The following CTTNBP2 variants were observed in gnomAD, a reference collection of about 807,000 sequenced individuals.
CTTNBP2 encodes the protein cortactin binding protein 2, also known as cortactin-binding protein 2.
A neutral mutation model predicts 156.9 loss-of-function variants in CTTNBP2; 108 were observed. The ratio of observed to expected loss-of-function variants is 0.69; its 90% CI spans 0.59 to 0.81. CTTNBP2 has a LOEUF of 0.81. CTTNBP2 is among the 30% of genes least tolerant of loss of function. The pLI is 0.00. For synonymous variants in CTTNBP2, 767 were observed against 751.8 expected, an observed-to-expected ratio of 1.02 and a Z score of -0.33; for missense variants, 1,924 against 2,035.4, an observed-to-expected ratio of 0.95 and a Z score of 1.05.
At position 117,725,301 on chromosome 7, in the gene CTTNBP2, C is replaced by G. The variant is rs202135169; in HGVS notation, c.4056-44G>C. On this transcript the variant is annotated intron_variant, in intron 17 of 22. Coordinates refer to ENST00000160373, the MANE Select transcript of CTTNBP2 (RefSeq NM_033427.3). ...ATTCATCCCTTAGGAGCAGGCTTCTCAATAATTATACACAATTCCGTGAAA... is the reference window on the plus strand; with the variant it reads ...ATTCATCCCTTAGGAGCAGGCTTCTGAATAATTATACACAATTCCGTGAAA... 1.4e-5 allele frequency: 22 copies of G among 1,544,218 alleles called. No individual in the cohort carries two copies. In the Admixed American group the frequency reaches 2.0e-4, roughly 14 times the overall value.
At chr7:117,862,488 T>C (rs35659137) in intron 1 of CTTNBP2, among the ~76,000 whole-genome samples, 1,775 of 152,314 alleles carry the variant, frequency 0.012, 37 homozygotes, top group African/African-American at 0.038. Flanking sequence ...ACCTTCCTCA[T>C]AGCAACTTTT....
In CTTNBP2 at chr7:117,735,274, T is replaced by A; in HGVS notation, c.3683A>T (p.Gln1228Leu). 1 of 1,612,638 alleles carries A rather than the reference T, an allele frequency of 6.2e-7. No homozygotes were observed. The highest frequency in any genetic ancestry group is 1.3e-5 in the African/African-American group (1 of 74,904). ...NRSTESPCTF[Q>L]KGNGLSECYY... ...GGTCCCTTTATTAGCGTTACCTTTT[T>A]GGAAAGTGCAGGGGCTTTCAGTGCT... is the stretch of plus-strand genomic sequence containing the variant. The change falls in exon 15 of 23, where the codon CAA becomes CTA. Residue 1228 changes from glutamine to leucine, a missense_variant. Physicochemically the swap from Gln to Leu is moderately radical, Grantham distance 113. Coordinates refer to ENST00000160373, the MANE Select transcript of CTTNBP2 (RefSeq NM_033427.3).
chr7:117,795,581 C>A (rs1799271683), intron 3 of CTTNBP2, among the ~76,000 whole-genome samples: 1 of 152,164 alleles, frequency 6.6e-6, no homozygotes, highest in Admixed American at 6.5e-5. Context: ...CAGGGTTCTA[C>A]CTGTCTCAGG....
intron 2 of CTTNBP2, among the ~76,000 whole-genome samples, chr7:117,847,587 T>C (rs543928024): frequency 6.6e-6 from 1 of 152,276 alleles, no homozygotes; most frequent in East Asian, 1.9e-4. Context: ...ACTAGCCAAA[T>C]TATTTCAGGG....
At chr7:117,836,835 C>A (rs1801982835) in intron 2 of CTTNBP2, among the ~76,000 whole-genome samples, 1 of 152,150 alleles carries the variant, frequency 6.6e-6, no homozygotes, top group South Asian at 2.1e-4. Flanking sequence ...ATAAAAACAT[C>A]AGATCTTGTG....
At position 117,728,150 on chromosome 7, in the gene CTTNBP2, G is replaced by A. The variant is rs766200547; in HGVS notation, c.3994C>T (p.Leu1332Phe). The change falls in exon 17 of 23, where the codon CTT (leucine) becomes TTT (phenylalanine). Residue 1332 changes from leucine (L) to phenylalanine (F), a missense_variant. Physicochemically the swap from Leu to Phe is conservative, Grantham distance 22. Coordinates refer to ENST00000160373, the MANE Select transcript of CTTNBP2 (RefSeq NM_033427.3). The stretch of plus-strand genomic sequence containing the variant: ...CAAGACAGGAAATATTTTGGTCCAA[G>A]AAGTGCTTCAGGTGTGCCCAAGCGG... ...LARLGTPEAL[L>F]GPKYFLSCPV... 1.2e-6 allele frequency: 2 copies of A among 1,614,204 alleles called. No homozygotes were observed. Among genetic ancestry groups the A allele is most frequent in the Non-Finnish European group, 1.7e-6 (2 of 1,180,014 alleles).
chr7:117,756,744 G>A, intron 11 of CTTNBP2, 110 bp from the exon 12 acceptor site: 1 of 792,522 alleles, frequency 1.3e-6, no homozygotes, highest in Admixed American at 1.9e-5. Flanking sequence ...GACTTATGTA[G>A]GCAGAGCTGA....
At chr7:117,830,642 A>C (rs1461395370) in intron 2 of CTTNBP2, among the ~76,000 whole-genome samples, 1 of 152,180 alleles carries the variant, frequency 6.6e-6, no homozygotes, top group Non-Finnish European at 1.5e-5. Context: ...GGGAGAACAG[A>C]CCCAAGAAGA....
rs578146834 is a variant in CTTNBP2 at position 117,750,043 on chromosome 7, T to C, written c.3349-3944A>G. On this transcript the variant is annotated intron_variant, in intron 12 of 22. Transcript: ENST00000160373. ...ATTTTTTTTCACAAGTAATGTATCATTTCATACCAGTGAAACAGGATACCA... is the reference window on the plus strand; with the variant it reads ...ATTTTTTTTCACAAGTAATGTATCACTTCATACCAGTGAAACAGGATACCA... 6.6e-5 allele frequency among the ~76,000 whole-genome samples: 10 copies of C among 152,296 alleles called. 1 individual carries two copies. Among genetic ancestry groups the C allele is most frequent in the African/African-American group, 1.9e-4 (8 of 41,558 alleles).
chr7:117,719,063 T>C (rs1248417453), intron 21 of CTTNBP2, among the ~76,000 whole-genome samples: 3 of 151,966 alleles, frequency 2.0e-5, no homozygotes, highest in Admixed American at 6.6e-5. Flanking sequence ...CCAGGCGTTG[T>C]GGGGGACACA....
chr7:117,755,632 C>T, intron 12 of CTTNBP2: 1 of 454,852 alleles, frequency 2.2e-6, no homozygotes, highest in South Asian at 1.6e-5. Flanking sequence ...TAAAATAAGT[C>T]ATAACAGCAC....
intron 2 of CTTNBP2, among the ~76,000 whole-genome samples, chr7:117,822,167 T>C (rs964876051): frequency 6.6e-6 from 1 of 152,196 alleles, no homozygotes; most frequent in African/African-American, 2.4e-5. Context: ...TTATCTAAGT[T>C]GTCAAAAGTA....
chr7:117,723,920 T>G (rs1794943680), intron 19 of CTTNBP2, among the ~76,000 whole-genome samples: 1 of 151,948 alleles, frequency 6.6e-6, no homozygotes, highest in Non-Finnish European at 1.5e-5. Context: ...GCCCAGCTAA[T>G]TTTTGTATTT....
chr7:117,769,461 T>C (rs1379733891), intron 8 of CTTNBP2, among the ~76,000 whole-genome samples: 1 of 152,160 alleles, frequency 6.6e-6, no homozygotes, highest in Non-Finnish European at 1.5e-5. Context: ...GCTGGCCCTG[T>C]TCAGGTTAGA....
At chr7:117,778,728 C>T (rs929048515) in intron 7 of CTTNBP2, among the ~76,000 whole-genome samples, 3 of 152,090 alleles carry the variant, frequency 2.0e-5, no homozygotes, top group African/African-American at 7.2e-5. Flanking sequence ...ATATAGAAAT[C>T]GGTCTGCCTT....
intron 2 of CTTNBP2, among the ~76,000 whole-genome samples, chr7:117,815,546 G>GA (rs1426605266): frequency 1.3e-5 from 2 of 152,076 alleles, no homozygotes; most frequent in Non-Finnish European, 2.9e-5. Flanking sequence ...ATCTAACCAG[G>GA]AACTTTCGGT....
intron 2 of CTTNBP2, among the ~76,000 whole-genome samples, chr7:117,848,004 A>G (rs1019245410): frequency 6.6e-6 from 1 of 151,652 alleles, no homozygotes; most frequent in Non-Finnish European, 1.5e-5. Flanking sequence ...TTTTTAGTAG[A>G]AACAGGGTTT....
intron 3 of CTTNBP2, among the ~76,000 whole-genome samples, chr7:117,799,580 A>G (rs905527953): frequency 6.6e-6 from 1 of 152,068 alleles, no homozygotes; most frequent in Non-Finnish European, 1.5e-5. Flanking sequence ...TTTTTTCCCT[A>G]AGAAAAAGAC....
chr7:117,756,030 G>C (rs1469161209), intron 12 of CTTNBP2, among the ~76,000 whole-genome samples: 1 of 152,130 alleles, frequency 6.6e-6, no homozygotes, highest in Non-Finnish European at 1.5e-5. Context: ...TGAGATCCTG[G>C]GGAGGTCACC....
Sources: gnomAD v4.1 joint callset for allele counts (sites outside exome capture counted in the v4.1 genomes callset) on GRCh38, gnomAD v4.1.1 for gene constraint, MANE v1.5 for transcripts, NCBI Gene and HGNC (gene_info 2026-07-23, HGNC 2026-07-21) for gene names.